The following DOCK1 variants were observed in gnomAD, a reference collection of about 807,000 sequenced individuals.
The protein encoded by DOCK1 is dedicator of cytokinesis 1.
In DOCK1, 138 loss-of-function variants were observed where a neutral mutation model predicts 262.7. The observed-to-expected ratio is 0.53, with a 90% CI of 0.46 to 0.61. The LOEUF is 0.61. Among genes scored for constraint, DOCK1 ranks in the 20% least tolerant of loss-of-function variants. The pLI is 0.00. For synonymous variants in DOCK1, 866 were observed against 867.4 expected (o/e 1.00, Z 0.03); for missense variants, 1,908 against 2,370.7 (o/e 0.80, Z 4.05).
chr10:127,191,926 C>T (rs2056784254), intron 27 of DOCK1, among the ~76,000 whole-genome samples: 1 of 152,220 alleles, frequency 6.6e-6, no homozygotes, highest in Admixed American at 6.5e-5. Context: ...CATTCCGTAG[C>T]CTCCTTCCCA....
At chr10:127,186,695 A>C (rs867316329) in intron 27 of DOCK1, among the ~76,000 whole-genome samples, 2 of 152,156 alleles carry the variant, frequency 1.3e-5, no homozygotes, top group Middle Eastern at 3.4e-3. Context: ...CAATGAATAT[A>C]AAATTATACT....
Position 127,301,223 on chromosome 10 carries a change from G to A in DOCK1, c.3045-37783G>A, listed in dbSNP as rs2061668537. On this transcript the variant is annotated intron_variant, in intron 29 of 51. Coordinates refer to ENST00000623213, the MANE Select transcript of DOCK1 (RefSeq NM_001290223.2). Reference sequence around the variant, plus strand: ...AATACAGGGTGTCAGTGTCACTTGAGTGCTAGGCGGAAGTGCAGGTTAGGC... The same window carrying A: ...AATACAGGGTGTCAGTGTCACTTGAATGCTAGGCGGAAGTGCAGGTTAGGC... 2.0e-5 allele frequency among the ~76,000 whole-genome samples: 3 copies of A among 152,194 alleles called. No individual in the cohort carries two copies. In the South Asian group the frequency reaches 6.2e-4, roughly 31 times the overall value.
Position 127,043,165 on chromosome 10 carries a change from G to T in DOCK1, c.2201+1G>T. Reference sequence around the variant, plus strand: ...ACTTTAGTGCAACGTTAGCCTACACGTAAGTTCCTACTTTGTTTTAAAACC... The same window carrying T: ...ACTTTAGTGCAACGTTAGCCTACACTTAAGTTCCTACTTTGTTTTAAAACC... On this transcript the variant is annotated splice_donor_variant, in intron 21 of 51. Coordinates refer to ENST00000623213, the MANE Select transcript of DOCK1 (RefSeq NM_001290223.2). LOFTEE classifies it high-confidence loss of function. The T allele has an allele frequency of 6.2e-7, 1 of 1,601,122 alleles. No individual in the cohort carries two copies. Among genetic ancestry groups the T allele is most frequent in the Non-Finnish European group, 8.5e-7 (1 of 1,172,718 alleles).
At chr10:127,026,483 G>A (rs541082378) in intron 16 of DOCK1, 59 bp downstream of exon 16, 86 of 1,471,970 alleles carry the variant, frequency 5.8e-5, no homozygotes, top group Admixed American at 3.0e-4. Flanking sequence ...GGGGGAAAGC[G>A]CGAGAGGCCA....
At chr10:127,203,093 C>CT (rs2057545019) in intron 27 of DOCK1, among the ~76,000 whole-genome samples, 1 of 152,224 alleles carries the variant, frequency 6.6e-6, no homozygotes, top group Admixed American at 6.5e-5. Context: ...CGATAGCACT[C>CT]TAAGCTTCCC....
chr10:127,129,899 GCCTGTGCTTAGGGA>G (rs879559495), intron 27 of DOCK1, among the ~76,000 whole-genome samples: 6,523 of 152,030 alleles, frequency 0.043, 495 homozygotes, highest in African/African-American at 0.15. Flanking sequence ...GCATGGTTCT[GCCTGTGCTTAGGGA>G]AACATGGTTC....
In DOCK1 at chr10:127,215,430, G is replaced by T. The variant is rs187145256; in HGVS notation, c.2848-32578G>T. 6.3e-3 allele frequency among the ~76,000 whole-genome samples: 962 copies of T among 152,302 alleles called. 13 individuals are homozygous for T. Among genetic ancestry groups the T allele is most frequent in the African/African-American group, 0.022 (900 of 41,578 alleles). ...GAGGGTCTCTGTTACTTGGCGCCAA[G>T]CATGGCAGGTCCAGTTCCCACGGAT... On this transcript the variant is annotated intron_variant, in intron 27 of 51. Transcript: ENST00000623213.
intron 29 of DOCK1, among the ~76,000 whole-genome samples, chr10:127,293,838 C>T (rs2061420580): frequency 6.6e-6 from 1 of 152,232 alleles, no homozygotes; most frequent in Non-Finnish European, 1.5e-5. Flanking sequence ...AAAGACTCTT[C>T]ATTGTAAAAA....
intron 27 of DOCK1, among the ~76,000 whole-genome samples, chr10:127,203,944 T>C (rs2057592935): frequency 1.3e-5 from 2 of 152,130 alleles, no homozygotes; most frequent in South Asian, 4.1e-4. Flanking sequence ...GAATTTGGCT[T>C]GTAAATGTTG....
intron 27 of DOCK1, among the ~76,000 whole-genome samples, chr10:127,192,058 TG>T (rs1218388707): frequency 1.3e-5 from 2 of 152,158 alleles, no homozygotes; most frequent in East Asian, 3.8e-4. Context: ...TTTGATATGG[TG>T]GGGTTTTCTT....
At position 127,439,009 on chromosome 10, in the gene DOCK1, C is replaced by T; in HGVS notation, c.5061-18C>T. ...AGCAATTGCTCTCCTATTAAGACGT[C>T]ATTGACCTTTCCTTTAGGTTTGCCC... On this transcript the variant is annotated intron_variant, in intron 48 of 51. Coordinates refer to ENST00000623213, the MANE Select transcript of DOCK1 (RefSeq NM_001290223.2). The T allele has an allele frequency of 6.5e-7, 1 of 1,545,534 alleles. No homozygotes were observed. The highest frequency in any genetic ancestry group is 8.7e-7 in the Non-Finnish European group (1 of 1,144,714).
intron 28 of DOCK1, among the ~76,000 whole-genome samples, chr10:127,253,242 G>A (rs987579246): frequency 2.6e-5 from 4 of 152,200 alleles, no homozygotes; most frequent in African/African-American, 9.7e-5. Context: ...TTAGCTAGAA[G>A]GGAACAATGA....
chr10:127,166,438 G>A (rs1310559226), intron 27 of DOCK1, among the ~76,000 whole-genome samples: 1 of 152,164 alleles, frequency 6.6e-6, no homozygotes, highest in African/African-American at 2.4e-5. Flanking sequence ...TGAGTGGGCC[G>A]GTCTGACAGC....
chr10:127,141,676 CAAAAA>C (rs796870030), intron 27 of DOCK1, among the ~76,000 whole-genome samples: 1 of 139,910 alleles, frequency 7.1e-6, no homozygotes, highest in African/African-American at 2.7e-5. Context: ...GTCTTTAAAA[CAAAAA>C]AAAAAAAAAA....
intron 29 of DOCK1, among the ~76,000 whole-genome samples, chr10:127,261,199 G>GTA: frequency 7.8e-6 from 1 of 127,844 alleles, no homozygotes; most frequent in African/African-American, 3.0e-5. Flanking sequence ...GCGGGTGTGT[G>GTA]TGTGTACCTG....
intron 1 of DOCK1, among the ~76,000 whole-genome samples, chr10:126,922,302 T>A (rs2033285044): frequency 6.6e-6 from 1 of 151,320 alleles, no homozygotes. Context: ...CATCTGCTTC[T>A]GGAGAGGCAT....
intron 26 of DOCK1, among the ~76,000 whole-genome samples, chr10:127,126,135 C>T (rs968130485): frequency 1.3e-5 from 2 of 151,420 alleles, no homozygotes; most frequent in Non-Finnish European, 2.9e-5. Context: ...TACACTGTCG[C>T]CCAGGCTAGA....
intron 19 of DOCK1, among the ~76,000 whole-genome samples, chr10:127,039,449 C>G (rs563659439): frequency 6.6e-6 from 1 of 152,310 alleles, no homozygotes; most frequent in African/African-American, 2.4e-5. Flanking sequence ...CATTCTCCCC[C>G]ATTCCCCTCA....
At chr10:127,307,809 C>T (rs1276318748) in intron 29 of DOCK1, among the ~76,000 whole-genome samples, 1 of 152,252 alleles carries the variant, frequency 6.6e-6, no homozygotes, top group East Asian at 1.9e-4. Context: ...TCTCTTGCCA[C>T]CTACAGTCTT....
Sources: gnomAD v4.1 joint callset for allele counts (sites outside exome capture counted in the v4.1 genomes callset) on GRCh38, gnomAD v4.1.1 for gene constraint, MANE v1.5 for transcripts, NCBI Gene and HGNC (gene_info 2026-07-23, HGNC 2026-07-21) for gene names.